RRP12: variants seen among roughly 807,000 people sequenced by gnomAD.
The protein encoded by RRP12 is ribosomal RNA processing 12 homolog, also known as RRP12-like protein.
RRP12 carries 78 observed loss-of-function variants against 157.3 expected under a neutral mutation model. That is an observed-to-expected ratio of 0.50 (90% confidence interval 0.41 to 0.60). RRP12 has a LOEUF of 0.60. RRP12 is among the 20% of genes least tolerant of loss of function. RRP12 has a pLI of 0.00. For synonymous variants in RRP12, 726 were observed against 670.9 expected, an observed-to-expected ratio of 1.08 and a Z score of -1.27; for missense variants, 1,521 against 1,679.9, an observed-to-expected ratio of 0.91 and a Z score of 1.65.
intron 25 of RRP12, among the ~76,000 whole-genome samples, chr10:97,368,270 G>A (rs1589416015): frequency 6.6e-6 from 1 of 151,948 alleles, no homozygotes; most frequent in East Asian, 1.9e-4. Context: ...GACCTCAAGT[G>A]ATCCACCCAC....
intron 20 of RRP12, 138 bp downstream of exon 20, chr10:97,371,935 G>A (rs1844167070): frequency 6.6e-6 from 4 of 608,958 alleles, no homozygotes; most frequent in Non-Finnish European, 1.2e-5. Flanking sequence ...ACAAAGAGAA[G>A]CCACTGCAGG....
chr10:97,361,597 C>T (rs1843842894), intron 30 of RRP12, among the ~76,000 whole-genome samples: 1 of 152,158 alleles, frequency 6.6e-6, no homozygotes, highest in East Asian at 1.9e-4. Flanking sequence ...GCCTGGGAGA[C>T]GGGGGACTCC....
intron 15 of RRP12, 88 bp downstream of exon 15, chr10:97,379,204 TG>T: frequency 1.4e-6 from 2 of 1,456,626 alleles, no homozygotes; most frequent in Non-Finnish European, 1.9e-6. Context: ...GCTGGGTGTG[TG>T]GGACTCAGCA....
chr10:97,373,676 C>A lies in RRP12; in HGVS notation c.1925G>T (p.Gly642Val). 1 of 1,613,944 alleles carries A rather than the reference C, an allele frequency of 6.2e-7. No homozygotes were observed. Among genetic ancestry groups the A allele is most frequent in the East Asian group, 2.2e-5 (1 of 44,874 alleles). ...GGCCATGCCCAGCGTCCGTGCCAGC[C>A]CTTTGAAGGAGATGGCCACATCTGT... ...RPTDVAISFK[G>V]LARTLGMAIS... The change falls in exon 17 of 34, where the codon GGG becomes GTG. Residue 642 changes from glycine to valine, a missense_variant. Transcript: ENST00000370992.
Position 97,365,803 on chromosome 10 carries a change from A to G in RRP12, c.3517+305T>C, listed in dbSNP as rs528698902. The G allele has an allele frequency of 3.0e-4, 91 of 298,452 alleles. 1 individual carries two copies. In the East Asian group the frequency reaches 7.5e-3, roughly 25 times the overall value. 18.5% of individuals were successfully genotyped at this position (298,452 alleles called of 1,614,324 possible). On this transcript the variant is annotated intron_variant, in intron 29 of 33. Transcript: ENST00000370992. ...AAAAAGAGGAAGGAAGAAAAGGAGA[A>G]AGGAAGAGGAGGGGGAGGAGGAGGA...
At chr10:97,361,076 C>T (rs1843830532) in intron 30 of RRP12, among the ~76,000 whole-genome samples, 1 of 152,166 alleles carries the variant, frequency 6.6e-6, no homozygotes, top group South Asian at 2.1e-4. Flanking sequence ...GTGCCAGGCC[C>T]TGGGGACACA....
chr10:97,388,278 GGA>G lies in RRP12; in HGVS notation c.989_990del (p.Leu330ProfsTer51). The G allele has an allele frequency of 6.2e-7, 1 of 1,614,102 alleles. No homozygotes were observed. Among genetic ancestry groups the G allele is most frequent in the Non-Finnish European group, 8.5e-7 (1 of 1,180,044 alleles). On this transcript the variant is annotated frameshift_variant, in exon 8 of 34. Transcript: ENST00000370992. LOFTEE classifies it high-confidence loss of function. The stretch of plus-strand genomic sequence containing the variant: ...ACATGGCTCAAGGTCATGACCCTGA[GGA>G]GAGTCTCACTGCAGCTCTTCACCAG... The part of the protein sequence containing the change: ...EGLVKSCSET[L>X]LRVMTLSHVL...
chr10:97,366,261 G>A (rs1843976399), intron 28 of RRP12, 28 bp from the exon 29 acceptor site: 1 of 1,608,882 alleles, frequency 6.2e-7, no homozygotes, highest in South Asian at 1.1e-5. Context: ...GCATGAGGAG[G>A]TGGAAGGCCA....
chr10:97,372,614 G>A, intron 19 of RRP12, 122 bp downstream of exon 19: 2 of 810,826 alleles, frequency 2.5e-6, no homozygotes, highest in East Asian at 2.7e-5. Flanking sequence ...GCACAGCCTG[G>A]AGAGTTAATA....
At chr10:97,400,691 T>C (rs1394373419) in intron 1 of RRP12, among the ~76,000 whole-genome samples, 157 bp from the exon 2 acceptor site, 1 of 151,952 alleles carries the variant, frequency 6.6e-6, no homozygotes, top group Non-Finnish European at 1.5e-5. Context: ...GCCTAAAAAC[T>C]TGAAAAACCA....
At chr10:97,366,306 G>C in intron 28 of RRP12, 73 bp from the exon 29 acceptor site, 1 of 1,584,260 alleles carries the variant, frequency 6.3e-7, no homozygotes, top group Non-Finnish European at 8.6e-7. Flanking sequence ...TGACCAACAA[G>C]CCCGGCTCAG....
chr10:97,398,574 T>C (rs1408702528), intron 2 of RRP12, among the ~76,000 whole-genome samples: 1 of 150,428 alleles, frequency 6.6e-6, no homozygotes, highest in Non-Finnish European at 1.5e-5. Context: ...CTCAAACTCT[T>C]GACCTCAAAT....
intron 31 of RRP12, 103 bp from the exon 32 acceptor site, chr10:97,359,113 G>T: frequency 1.3e-6 from 1 of 796,644 alleles, no homozygotes; most frequent in Non-Finnish European, 2.0e-6. Context: ...GAGCAGATGA[G>T]TGAAGGCCAG....
intron 15 of RRP12, among the ~76,000 whole-genome samples, chr10:97,378,651 G>A (rs1389270248): frequency 6.6e-6 from 1 of 152,146 alleles, no homozygotes; most frequent in Non-Finnish European, 1.5e-5. Context: ...GAGGTCAGGA[G>A]TTTGAGACCA....
chr10:97,371,169 C>G, intron 20 of RRP12, 88 bp from the exon 21 acceptor site: 1 of 1,409,066 alleles, frequency 7.1e-7, no homozygotes, highest in Non-Finnish European at 9.7e-7. Flanking sequence ...TGGAGGGATT[C>G]TGAGCAGGGG....
intron 6 of RRP12, 48 bp downstream of exon 6, chr10:97,390,375 G>T: frequency 7.0e-7 from 1 of 1,426,274 alleles, no homozygotes; most frequent in Non-Finnish European, 9.9e-7. Context: ...ACTGGGCTGA[G>T]TGGTGGCTGT....
intron 12 of RRP12, 72 bp from the exon 13 acceptor site, chr10:97,380,985 C>G: frequency 1.6e-6 from 2 of 1,240,094 alleles, no homozygotes; most frequent in South Asian, 2.4e-5. Context: ...AAGTCAACGG[C>G]CAGCACCCTG....
At chr10:97,367,331 C>T (rs1844018620) in intron 25 of RRP12, 199 bp from the exon 26 acceptor site, 1 of 599,914 alleles carries the variant, frequency 1.7e-6, no homozygotes, top group Admixed American at 2.9e-5. Context: ...CACCCTCCTT[C>T]AGGACACAGG....
chr10:97,393,878 G>A, intron 3 of RRP12, 118 bp from the exon 4 acceptor site: 1 of 748,006 alleles, frequency 1.3e-6, no homozygotes, highest in Non-Finnish European at 2.2e-6. Context: ...CGGTATCAGA[G>A]GTTCAGATCC....
Sources: gnomAD v4.1 joint callset for allele counts (sites outside exome capture counted in the v4.1 genomes callset) on GRCh38, gnomAD v4.1.1 for gene constraint, MANE v1.5 for transcripts, NCBI Gene and HGNC (gene_info 2026-07-23, HGNC 2026-07-21) for gene names.